The following CAPN15 variants were observed in gnomAD, a reference collection of about 807,000 sequenced individuals.
CAPN15 encodes calpain 15.
CAPN15 carries 53 observed loss-of-function variants against 97.9 expected under a neutral mutation model. The ratio of observed to expected loss-of-function variants is 0.54; its 90% CI spans 0.43 to 0.68. The LOEUF is 0.68. CAPN15 is among the 30% of genes least tolerant of loss of function. The pLI is 0.00. For missense variants in CAPN15, 1,592 were observed against 1,589.8 expected (o/e 1.00, Z -0.02); for synonymous variants, 922 against 722.5 (o/e 1.28, Z -4.43).
intron 3 of CAPN15, chr16:537,619 C>T: frequency 5.1e-6 from 1 of 196,892 alleles, no homozygotes; most frequent in Non-Finnish European, 9.2e-6. Context: ...CCCGCCCTGA[C>T]CCGCTCAGGG....
intron 1 of CAPN15, among the ~76,000 whole-genome samples, chr16:530,453 C>T (rs2033170887): frequency 6.6e-6 from 1 of 152,208 alleles, no homozygotes; most frequent in Non-Finnish European, 1.5e-5. Flanking sequence ...GCCCCTGTGG[C>T]GTGGACACGG....
rs2032946332 is a variant in CAPN15 at position 527,727 on chromosome 16, G to T, written c.-492G>T. On this transcript the variant is annotated 5_prime_UTR_variant, in exon 1 of 14. Coordinates refer to ENST00000219611, the MANE Select transcript of CAPN15 (RefSeq NM_005632.3). ...TGTGGGAGCCGTAGTCCGGGCGCGC[G>T]ATTCACAGCGCCGCGTGCGCCCCGG... is the stretch of plus-strand genomic sequence containing the variant. The T allele has an allele frequency of 6.6e-6, 1 of 150,518 alleles. No individual in the cohort carries two copies. Among genetic ancestry groups the T allele is most frequent in the African/African-American group, 2.4e-5 (1 of 41,112 alleles). 9.3% of individuals were successfully genotyped at this position (150,518 alleles called of 1,614,324 possible).
At chr16:540,168 C>G (rs1219819538) in intron 3 of CAPN15, 1 of 985,340 alleles carries the variant, frequency 1.0e-6, no homozygotes, top group Admixed American at 6.1e-5. Flanking sequence ...CGGCTCTCAG[C>G]ACGGCCGCCG....
At position 532,182 on chromosome 16, in the gene CAPN15, G is replaced by T. The variant is rs138690232; in HGVS notation, c.-189-1764G>T. On this transcript the variant is annotated intron_variant, in intron 1 of 13. Coordinates refer to ENST00000219611, the MANE Select transcript of CAPN15 (RefSeq NM_005632.3). ...TTGAACCTGGGAGGCGGAGGTTGCA[G>T]TTAGCCGGGATGGCACCACTGCACT... is the stretch of plus-strand genomic sequence containing the variant. Among the ~76,000 whole-genome samples, 800 of 150,492 alleles carry T rather than the reference G, an allele frequency of 5.3e-3. 8 individuals carry two copies. Among genetic ancestry groups the T allele is most frequent in the African/African-American group, 0.019 (764 of 40,870 alleles).
chr16:552,281 G>C lies in CAPN15; in HGVS notation c.2508-20G>C, dbSNP rs780419117. ...GCGGCCGTGACCACGCGTGACCCTG[G>C]CCCGTGGTGTCTGGCGCAGGCGCTC... On this transcript the variant is annotated intron_variant, in intron 10 of 13. Coordinates refer to ENST00000219611, the MANE Select transcript of CAPN15 (RefSeq NM_005632.3). The surrounding 1 kb of genome is among the most constrained non-coding windows in gnomAD (Gnocchi z 6.4). 1 of 1,542,532 alleles carries C rather than the reference G, an allele frequency of 6.5e-7. No homozygotes were observed. Among genetic ancestry groups the C allele is most frequent in the South Asian group, 1.2e-5 (1 of 84,396 alleles).
rs1388462997 is a variant in CAPN15, at chr16:553,927, C to T, written c.*411C>T. ...GACCCTGGGGTGGGATCAGGGACCA[C>T]CCCTCACGGGGCATAAGGTCAGTTT... On this transcript the variant is annotated 3_prime_UTR_variant, in exon 14 of 14. Coordinates refer to ENST00000219611, the MANE Select transcript of CAPN15 (RefSeq NM_005632.3). 5.1e-6 allele frequency: 1 copy of T among 194,606 alleles called. No homozygotes were observed. The highest frequency in any genetic ancestry group is 1.5e-4 in the East Asian group (1 of 6,466). 12.1% of individuals were successfully genotyped at this position (194,606 alleles called of 1,614,324 possible).
In CAPN15 at chr16:554,319, G is replaced by A. The variant is rs541194411; in HGVS notation, c.*803G>A. ...CCCACCTCCCCACAGAAGCCCAGGAGTGTGTGGACGTCTGAGCCCAGCTTT... is the reference window on the plus strand; with the variant it reads ...CCCACCTCCCCACAGAAGCCCAGGAATGTGTGGACGTCTGAGCCCAGCTTT... On this transcript the variant is annotated 3_prime_UTR_variant, in exon 14 of 14. Transcript: ENST00000219611. 2.8e-6 allele frequency: 1 copy of A among 362,542 alleles called. No homozygotes were observed. The highest frequency in any genetic ancestry group is 7.3e-5 in the East Asian group (1 of 13,702). 22.5% of individuals were successfully genotyped at this position (362,542 alleles called of 1,614,324 possible).
chr16:536,187 T>C, intron 3 of CAPN15, 45 bp downstream of exon 3: 1 of 521,394 alleles, frequency 1.9e-6, no homozygotes, highest in Non-Finnish European at 2.5e-6. Flanking sequence ...CAGCAGGCCC[T>C]GTCCCTGCTG....
intron 4 of CAPN15, 45 bp from the exon 5 acceptor site, chr16:548,948 G>C (rs773293474): frequency 5.7e-6 from 9 of 1,584,142 alleles, no homozygotes; most frequent in Non-Finnish European, 7.8e-6. Flanking sequence ...CAGGTGGAGC[G>C]AGGCCACCCT....
chr16:536,243 C>T (rs1355543547), intron 3 of CAPN15, 101 bp downstream of exon 3: 6 of 239,814 alleles, frequency 2.5e-5, no homozygotes, highest in African/African-American at 7.0e-5. Context: ...GAGGTCTGGC[C>T]GGAGCCAGCA....
At position 551,240 on chromosome 16, in the gene CAPN15, C is replaced by T. The variant is rs1371150599; in HGVS notation, c.2067-62C>T. On this transcript the variant is annotated intron_variant, in intron 7 of 13. Transcript: ENST00000219611. ...GAGGGTCCCGGTCAGTGAGGGTCCC[C>T]GGTCGGTGAGGGTCCCCTGTCGGTG... The T allele has an allele frequency of 2.3e-4, 354 of 1,512,438 alleles. 1 individual carries two copies. The highest frequency in any genetic ancestry group is 2.7e-4 in the South Asian group (22 of 80,508). 93.7% of individuals were successfully genotyped at this position (1,512,438 alleles called of 1,614,324 possible). A position where few individuals can be genotyped will look rare whatever the true frequency, so the allele number is the denominator to read the frequency against.
Position 535,713 on chromosome 16 carries a change from C to T in CAPN15, c.-136-316C>T, listed in dbSNP as rs893391119. On this transcript the variant is annotated intron_variant, in intron 2 of 13. Coordinates refer to ENST00000219611, the MANE Select transcript of CAPN15 (RefSeq NM_005632.3). The surrounding 1 kb of genome is among the most constrained non-coding windows in gnomAD (Gnocchi z 6.2). The stretch of plus-strand genomic sequence containing the variant: ...CTGGCTCTGTGGCAGTCATGAGTCA[C>T]GGCCACTCTTGAGGCGCCGCCCTGA... Among the ~76,000 whole-genome samples, 2 of 152,108 alleles carry T rather than the reference C, an allele frequency of 1.3e-5. No individual in the cohort carries two copies. The highest frequency in any genetic ancestry group is 2.9e-5 in the Non-Finnish European group (2 of 67,988).
In CAPN15 at chr16:552,512, G is replaced by A; in HGVS notation, c.2719G>A (p.Gly907Ser). Residue 907 changes from glycine (G) to serine (S), a missense_variant, in exon 11 of 14, where the codon GGC becomes AGC. By Grantham distance (56) the Gly-to-Ser change is moderately conservative. Around this residue, in one of 3 missense-constraint regions of CAPN15, gnomAD observed 644 missense variants for 699.6 expected, o/e 0.92. Transcript: ENST00000219611. This position sits in a 1 kb window ranked among gnomAD's most constrained non-coding sequence, Gnocchi z 6.4. Reference protein sequence around the residue: ...AFNHWGPPLPGTPAPQASSPS... With the variant: ...AFNHWGPPLPSTPAPQASSPS... Reference sequence around the variant, plus strand: ...CAACCACTGGGGGCCGCCCCTGCCGGGCACCCCTGCCCCCCAGGGTACGTG... The same window carrying A: ...CAACCACTGGGGGCCGCCCCTGCCGAGCACCCCTGCCCCCCAGGGTACGTG... 1.9e-6 allele frequency: 3 copies of A among 1,603,506 alleles called. No individual in the cohort carries two copies. The highest frequency in any genetic ancestry group is 1.7e-6 in the Non-Finnish European group (2 of 1,178,472).
At chr16:544,329 CG>C (rs1567145434) in intron 3 of CAPN15, among the ~76,000 whole-genome samples, 1 of 152,018 alleles carries the variant, frequency 6.6e-6, no homozygotes, top group Non-Finnish European at 1.5e-5. Flanking sequence ...CCCGGCCGGA[CG>C]GGGCATCTGT....
intron 3 of CAPN15, among the ~76,000 whole-genome samples, chr16:545,957 G>A (rs1294744957): frequency 2.6e-5 from 4 of 152,206 alleles, no homozygotes; most frequent in Non-Finnish European, 5.9e-5. Context: ...TGGTGATGGC[G>A]GGGAGAGGCC....
rs1025100094 is a variant in CAPN15 at position 548,077 on chromosome 16, G to A, written c.1239G>A (p.Pro413=). ...QKAARVLPER[P]GQWACPACTL... ...CCGCCCGCGTCCTGCCCGAGCGCCC[G>A]GGCCAGTGGGCCTGCCCTGCCTGTA... The change falls in exon 4 of 14, where the codon CCG becomes CCA. Residue 413 remains proline, a synonymous_variant. Coordinates refer to ENST00000219611, the MANE Select transcript of CAPN15 (RefSeq NM_005632.3). 1.6e-5 allele frequency: 24 copies of A among 1,538,578 alleles called. No homozygotes were observed. Among genetic ancestry groups the A allele is most frequent in the East Asian group, 1.2e-4 (5 of 41,294 alleles).
chr16:543,256 G>GC (rs1262320747), intron 3 of CAPN15: 1 of 154,694 alleles, frequency 6.5e-6, no homozygotes, highest in African/African-American at 2.4e-5. Flanking sequence ...TGAGCACCAG[G>GC]CCGAGTTTCA....
chr16:553,552 A>AC lies in CAPN15; in HGVS notation c.*42dup, dbSNP rs752786979. 24 of 1,207,360 alleles carry AC rather than the reference A, an allele frequency of 2.0e-5. No individual in the cohort carries two copies. The African/African-American group carries it at 3.3e-4, about 16-fold the overall frequency. The allele number at this position is 1,207,360 out of a possible 1,614,324, so 74.8% of individuals were successfully genotyped here. A position where few individuals can be genotyped will look rare whatever the true frequency, so the allele number is the denominator to read the frequency against. The stretch of plus-strand genomic sequence containing the variant: ...TGGGGCAGGGGCTGTGCACAGACGG[A>AC]CCCCCCACCCCCACACGCACTTTAT... On this transcript the variant is annotated 3_prime_UTR_variant, in exon 14 of 14. Coordinates refer to ENST00000219611, the MANE Select transcript of CAPN15 (RefSeq NM_005632.3).
At chr16:541,140 C>T (rs2141998589) in intron 3 of CAPN15, among the ~76,000 whole-genome samples, 1 of 152,380 alleles carries the variant, frequency 6.6e-6, no homozygotes, top group East Asian at 1.9e-4. Flanking sequence ...GTCCTGCTGT[C>T]TGTTGGCCCC....
Sources: gnomAD v4.1 joint callset for allele counts (sites outside exome capture counted in the v4.1 genomes callset) on GRCh38, gnomAD v4.1.1 for gene constraint, gnomAD v4.1.1 regional missense constraint, Gnocchi (gnomAD v3.1) non-coding constraint, MANE v1.5 for transcripts, NCBI Gene and HGNC (gene_info 2026-07-23, HGNC 2026-07-21) for gene names.